TNFAIP8L3: variants seen among roughly 807,000 people sequenced by gnomAD.
TNFAIP8L3 encodes TNF alpha induced protein 8 like 3, also known as tumor necrosis factor alpha-induced protein 8-like protein 3.
Under a neutral mutation model 11.8 loss-of-function variants are expected in TNFAIP8L3, and 7 were observed. The observed-to-expected ratio is 0.59, with a 90% CI of 0.34 to 1.11. TNFAIP8L3 has a LOEUF of 1.11. TNFAIP8L3 is among the 50% of genes most tolerant of loss of function. The pLI, the probability that TNFAIP8L3 is intolerant of heterozygous loss-of-function variation, is 0.03. For synonymous variants in TNFAIP8L3, 98 were observed against 103.8 expected, an observed-to-expected ratio of 0.94 and a Z score of 0.34; for missense variants, 219 against 258.6, an observed-to-expected ratio of 0.85 and a Z score of 1.05.
In TNFAIP8L3 at chr15:51,057,627, G is replaced by C. The variant is rs1404078803; in HGVS notation, c.*254C>G. 1.3e-5 allele frequency: 5 copies of C among 399,754 alleles called. No individual in the cohort carries two copies. Among genetic ancestry groups the C allele is most frequent in the Non-Finnish European group, 2.2e-5 (5 of 223,552 alleles). 24.8% of individuals were successfully genotyped at this position (399,754 alleles called of 1,614,324 possible). A position where few individuals can be genotyped will look rare whatever the true frequency, so the allele number is the denominator to read the frequency against. On this transcript the variant is annotated 3_prime_UTR_variant, in exon 2 of 2. Coordinates refer to ENST00000637513, the MANE Select transcript of TNFAIP8L3 (RefSeq NM_001311175.2). ...AGCACTCACTGTAATGAACAAAACA[G>C]CCTTTCTGCTTAGAATAGATGAAAT...
rs6145560 is a variant in TNFAIP8L3 at position 51,087,919 on chromosome 15, T to TTATATATATATATATATATATATATATA, written c.52+6624_52+6625insTATATATATATATATATATATATATATA. 5.9e-3 allele frequency among the ~76,000 whole-genome samples: 593 copies of TTATATATATATATATATATATATATATA among 101,314 alleles called. 37 individuals carry two copies. The highest frequency in any genetic ancestry group is 9.7e-3 in the Admixed American group (88 of 9,062). The allele number at this position is 101,314 out of a possible 152,430, so 66.5% of individuals were successfully genotyped here. A position where few individuals can be genotyped will look rare whatever the true frequency, so the allele number is the denominator to read the frequency against. ...AAAATAAAATTTTTCTAGCATACCT[T>TTATATATATATATATATATATATATATA]TATATATATATATATATATATATGG... On this transcript the variant is annotated intron_variant, in intron 1 of 1. Coordinates refer to ENST00000637513, the MANE Select transcript of TNFAIP8L3 (RefSeq NM_001311175.2).
In TNFAIP8L3 at chr15:51,057,798, C is replaced by T; in HGVS notation, c.*83G>A. 8.2e-7 allele frequency: 1 copy of T among 1,212,138 alleles called. No homozygotes were observed. The highest frequency in any genetic ancestry group is 1.2e-6 in the Non-Finnish European group (1 of 864,026). The allele number at this position is 1,212,138 out of a possible 1,614,324, so 75.1% of individuals were successfully genotyped here. On this transcript the variant is annotated 3_prime_UTR_variant, in exon 2 of 2. Transcript: ENST00000637513. ...ACATGGACATCTTTGACAAGGGTTT[C>T]TGCTTATGTTCTTGATTCTCACCCA...
intron 1 of TNFAIP8L3, among the ~76,000 whole-genome samples, chr15:51,087,164 A>C (rs11070833): frequency 6.6e-6 from 1 of 152,048 alleles, no homozygotes; most frequent in African/African-American, 2.4e-5. Context: ...CACTGCACCC[A>C]GCTCACAATT....
chr15:51,099,269 T>C (rs1244566695), upstream of TNFAIP8L3, among the ~76,000 whole-genome samples: 1 of 152,134 alleles, frequency 6.6e-6, no homozygotes, highest in Non-Finnish European at 1.5e-5. Flanking sequence ...CCCATCCAAG[T>C]CCAGACCCCT....
intron 1 of TNFAIP8L3, among the ~76,000 whole-genome samples, chr15:51,075,472 G>A (rs1212288965): frequency 1.3e-5 from 2 of 152,006 alleles, no homozygotes; most frequent in Non-Finnish European, 2.9e-5. Flanking sequence ...AGGAGCTGTC[G>A]GGCTTGGAAT....
exon 1 of TNFAIP8L3, chr15:51,105,053 T>C (rs1186305087): frequency 6.2e-7 from 1 of 1,614,204 alleles, no homozygotes; most frequent in Non-Finnish European, 8.5e-7. Context: ...ATGAGTCTTG[T>C]TTGTAACGTG....
chr15:51,093,974 G>A (rs2065491301), intron 1 of TNFAIP8L3, among the ~76,000 whole-genome samples: 1 of 152,120 alleles, frequency 6.6e-6, no homozygotes, highest in South Asian at 2.1e-4. Flanking sequence ...AGTCCGCGGG[G>A]ACCTTCTGGA....
At chr15:51,096,927 A>G (rs1246140839), upstream of TNFAIP8L3, among the ~76,000 whole-genome samples, 2 of 152,080 alleles carry the variant, frequency 1.3e-5, no homozygotes, top group Non-Finnish European at 2.9e-5. Context: ...GAAAGAAAAA[A>G]GTAATGGCAA....
chr15:51,075,002 G>A (rs2065339740), intron 1 of TNFAIP8L3, among the ~76,000 whole-genome samples: 1 of 152,224 alleles, frequency 6.6e-6, no homozygotes, highest in African/African-American at 2.4e-5. Context: ...CAGAAGACCT[G>A]TGAATCCCCA....
At chr15:51,085,146 G>C (rs1052133799) in intron 1 of TNFAIP8L3, among the ~76,000 whole-genome samples, 1 of 151,818 alleles carries the variant, frequency 6.6e-6, no homozygotes, top group Non-Finnish European at 1.5e-5. Flanking sequence ...CCTAAAGGTA[G>C]AGAGACCAAA....
intron 1 of TNFAIP8L3, among the ~76,000 whole-genome samples, chr15:51,066,303 C>G (rs1260798945): frequency 5.3e-5 from 8 of 152,024 alleles, no homozygotes; most frequent in Admixed American, 5.2e-4. Flanking sequence ...GCTGGGACTA[C>G]AGGTACACAC....
chr15:51,097,865 A>G (rs1489493594), upstream of TNFAIP8L3, among the ~76,000 whole-genome samples: 4 of 151,444 alleles, frequency 2.6e-5, no homozygotes. Flanking sequence ...GGGGGGGGAA[A>G]AACTCTTAAG....
intron 1 of TNFAIP8L3, among the ~76,000 whole-genome samples, chr15:51,058,656 A>T (rs2065222643): frequency 2.0e-5 from 3 of 151,982 alleles, no homozygotes; most frequent in Admixed American, 2.0e-4. Flanking sequence ...TAATCCTCTA[A>T]ACTGTGCTTA....
upstream of TNFAIP8L3, among the ~76,000 whole-genome samples, chr15:51,096,891 C>CAAAAAAA (rs56057102): frequency 3.0e-4 from 29 of 98,242 alleles, no homozygotes; most frequent in Non-Finnish European, 4.2e-4. Context: ...CACGCTGTCT[C>CAAAAAAA]AAAAAAAAAA....
At chr15:51,077,096 T>C (rs2065357506) in intron 1 of TNFAIP8L3, among the ~76,000 whole-genome samples, 1 of 152,154 alleles carries the variant, frequency 6.6e-6, no homozygotes, top group Non-Finnish European at 1.5e-5. Flanking sequence ...GCTTTCCTTA[T>C]CTGTGACTTC....
chr15:51,094,843 G>T lies in TNFAIP8L3; in HGVS notation c.-248C>A. 1 of 387,636 alleles carries T rather than the reference G, an allele frequency of 2.6e-6. No individual in the cohort carries two copies. The highest frequency in any genetic ancestry group is 3.5e-6 in the Non-Finnish European group (1 of 284,934). The allele number at this position is 387,636 out of a possible 1,614,324, so 24.0% of individuals were successfully genotyped here. ...GCGAGCGCAGGGCGGAGGGTGGGGCGCTCCGGGAGACAGCCGGGAGGAGGG... is the reference window on the plus strand; with the variant it reads ...GCGAGCGCAGGGCGGAGGGTGGGGCTCTCCGGGAGACAGCCGGGAGGAGGG... On this transcript the variant is annotated 5_prime_UTR_variant, in exon 1 of 2. Coordinates refer to ENST00000637513, the MANE Select transcript of TNFAIP8L3 (RefSeq NM_001311175.2). This position sits in a 1 kb window ranked among gnomAD's most constrained non-coding sequence, Gnocchi z 4.4.
At chr15:51,065,968 G>A (rs2065268313) in intron 1 of TNFAIP8L3, among the ~76,000 whole-genome samples, 1 of 152,032 alleles carries the variant, frequency 6.6e-6, no homozygotes, top group South Asian at 2.1e-4. Flanking sequence ...AGACAGGGAA[G>A]GTGGGAGGAA....
intron 1 of TNFAIP8L3, among the ~76,000 whole-genome samples, chr15:51,065,015 A>T (rs982122791): frequency 6.6e-6 from 1 of 152,248 alleles, no homozygotes; most frequent in Middle Eastern, 3.2e-3. Context: ...TAATTCTTTT[A>T]ACCATGTTTG....
chr15:51,087,046 G>GC (rs1288841045), intron 1 of TNFAIP8L3, among the ~76,000 whole-genome samples: 1 of 152,026 alleles, frequency 6.6e-6, no homozygotes, highest in Non-Finnish European at 1.5e-5. Flanking sequence ...GCACCACCAT[G>GC]CCCAGCTAAT....
Sources: gnomAD v4.1 joint callset for allele counts (sites outside exome capture counted in the v4.1 genomes callset) on GRCh38, gnomAD v4.1.1 for gene constraint, Gnocchi (gnomAD v3.1) non-coding constraint, MANE v1.5 for transcripts, NCBI Gene and HGNC (gene_info 2026-07-23, HGNC 2026-07-21) for gene names.